GYG1: variants seen among roughly 807,000 people sequenced by gnomAD.
GYG1 encodes the protein glycogenin 1.
A neutral mutation model predicts 41.9 loss-of-function variants in GYG1; 44 were observed. The ratio of observed to expected loss-of-function variants is 1.05; its 90% CI spans 0.83 to 1.35. GYG1 has a LOEUF of 1.35. Among genes scored for constraint, GYG1 ranks in the 40% most tolerant of loss-of-function variants. The pLI is 0.00. For missense variants in GYG1, 429 were observed against 418.9 expected, an observed-to-expected ratio of 1.02 and a Z score of -0.21; for synonymous variants, 141 against 158.1, an observed-to-expected ratio of 0.89 and a Z score of 0.81.
At chr3:149,010,353 A>T (rs13060151) in intron 5 of GYG1, among the ~76,000 whole-genome samples, 11 of 146,140 alleles carry the variant, frequency 7.5e-5, no homozygotes, top group Non-Finnish European at 1.0e-4. Context: ...TTTGAGACGA[A>T]GTCTCACTTT....
At chr3:148,992,733 G>C (rs930540320) in intron 1 of GYG1, 2 of 152,266 alleles carry the variant, frequency 1.3e-5, no homozygotes, top group Admixed American at 1.3e-4. Context: ...TGATGGGCCT[G>C]TCAAGGGACA....
intron 1 of GYG1, among the ~76,000 whole-genome samples, chr3:148,993,860 G>C (rs1385508000): frequency 6.6e-6 from 1 of 152,096 alleles, no homozygotes; most frequent in African/African-American, 2.4e-5. Context: ...TCAAACTCTT[G>C]GTATTAAGCT....
In GYG1 at chr3:148,994,928, C is replaced by T. The variant is rs546273475; in HGVS notation, c.143+651C>T. On this transcript the variant is annotated intron_variant, in intron 2 of 7. Coordinates refer to ENST00000345003, the MANE Select transcript of GYG1 (RefSeq NM_004130.4). ...AGGTGTGATGGCTCATGCCTGTAAT[C>T]TCAGCACTGTGGGAGGCCAAGGCAG... 1.7e-3 allele frequency among the ~76,000 whole-genome samples: 261 copies of T among 152,346 alleles called. 1 individual carries two copies. The highest frequency in any genetic ancestry group is 0.017 in the Middle Eastern group (5 of 294).
chr3:148,999,244 A>G lies in GYG1; in HGVS notation c.481+2340A>G, dbSNP rs531401134. On this transcript the variant is annotated intron_variant, in intron 4 of 7. Coordinates refer to ENST00000345003, the MANE Select transcript of GYG1 (RefSeq NM_004130.4). ...ACCGTGAGATTCTGTCTGTGCCTCT[A>G]GCACATTTCATTATTCAGCAGCAGG... Among the ~76,000 whole-genome samples the G allele has an allele frequency of 3.9e-5, 6 of 152,340 alleles. No individual in the cohort carries two copies. In the South Asian group the frequency reaches 8.3e-4, roughly 21 times the overall value.
chr3:149,010,032 A>G (rs1465790250), intron 5 of GYG1, among the ~76,000 whole-genome samples: 1 of 152,200 alleles, frequency 6.6e-6, no homozygotes, highest in Non-Finnish European at 1.5e-5. Flanking sequence ...GGTCTACCCA[A>G]CTGCTCAGTA....
In GYG1 at chr3:148,996,393, G is replaced by A. The variant is rs1274231525; in HGVS notation, c.235G>A (p.Glu79Lys). The change falls in exon 3 of 8, where the codon GAG becomes AAG. Residue 79 changes from glutamate to lysine, a missense_variant. Coordinates refer to ENST00000345003, the MANE Select transcript of GYG1 (RefSeq NM_004130.4). The stretch of plus-strand genomic sequence containing the variant: ...TCATCTAACCTTAATGAAGAGGCCA[G>A]AGTTGGGTGTCACGCTGACAAAGCT... ...SAHLTLMKRP[E>K]LGVTLTKLHC... 1.2e-6 allele frequency: 2 copies of A among 1,613,314 alleles called. No individual in the cohort carries two copies. Among genetic ancestry groups the A allele is most frequent in the South Asian group, 2.2e-5 (2 of 91,058 alleles).
chr3:149,028,354 A>G lies in GYG1; in HGVS notation c.*1421A>G, dbSNP rs1714762412. 6.6e-6 allele frequency among the ~76,000 whole-genome samples: 1 copy of G among 152,208 alleles called. No individual in the cohort carries two copies. Among genetic ancestry groups the G allele is most frequent in the African/African-American group, 2.4e-5 (1 of 41,450 alleles). On this transcript the variant is annotated 3_prime_UTR_variant, in exon 8 of 8. Coordinates refer to ENST00000345003, the MANE Select transcript of GYG1 (RefSeq NM_004130.4). Reference sequence around the variant, plus strand: ...GATTTACCTAGAATTATAAAATATTAAATGATAAATGACTTCTGAAACTAG... The same window carrying G: ...GATTTACCTAGAATTATAAAATATTGAATGATAAATGACTTCTGAAACTAG...
intron 4 of GYG1, among the ~76,000 whole-genome samples, chr3:149,008,712 C>A (rs1369444315): frequency 6.6e-6 from 1 of 152,220 alleles, no homozygotes; most frequent in Non-Finnish European, 1.5e-5. Flanking sequence ...AAGACAGTGA[C>A]CATATCTCTT....
intron 5 of GYG1, among the ~76,000 whole-genome samples, chr3:149,022,265 G>C (rs1714411550): frequency 6.6e-6 from 1 of 152,044 alleles, no homozygotes; most frequent in African/African-American, 2.4e-5. Context: ...CTTTTTTAAA[G>C]ATATTCTTTA....
chr3:149,009,933 T>A (rs1050417832), intron 5 of GYG1, among the ~76,000 whole-genome samples: 1 of 152,218 alleles, frequency 6.6e-6, no homozygotes, highest in African/African-American at 2.4e-5. Context: ...CCTGGCCTAC[T>A]TACTGAACTT....
intron 5 of GYG1, among the ~76,000 whole-genome samples, chr3:149,010,674 C>G (rs1713673920): frequency 6.6e-6 from 1 of 152,170 alleles, no homozygotes; most frequent in Non-Finnish European, 1.5e-5. Flanking sequence ...CCTTGCTGCA[C>G]TGTTTATCTC....
rs1018544192 is a variant in GYG1, at chr3:149,005,214, TAAAAG to T, written c.482-4061_482-4057del. Reference sequence around the variant, plus strand: ...TGGTAGTATACTTCATAATAAAAATTAAAAGTAAAGAGTATTTAGAAAGAAAAGAT... The same window carrying T: ...TGGTAGTATACTTCATAATAAAAATTTAAAGAGTATTTAGAAAGAAAAGAT... On this transcript the variant is annotated intron_variant, in intron 4 of 7. Transcript: ENST00000345003. 6.6e-5 allele frequency among the ~76,000 whole-genome samples: 10 copies of T among 152,250 alleles called. 1 individual carries two copies. In the Middle Eastern group the frequency reaches 0.014, roughly 207 times the overall value.
intron 2 of GYG1, 51 bp downstream of exon 2, chr3:148,994,328 C>T (rs759671073): frequency 2.5e-6 from 4 of 1,594,224 alleles, no homozygotes; most frequent in African/African-American, 1.3e-5. Flanking sequence ...ACATCCTTCT[C>T]CCTGTTGCTG....
At chr3:149,013,064 A>G (rs935178505) in intron 5 of GYG1, among the ~76,000 whole-genome samples, 5 of 150,474 alleles carry the variant, frequency 3.3e-5, no homozygotes, top group Non-Finnish European at 5.9e-5. Context: ...CATGTTGCCC[A>G]GACTGGTCTT....
In GYG1 at chr3:148,996,439, A is replaced by T. The variant is rs1375478837; in HGVS notation, c.281A>T (p.Gln94Leu). ...AAGCTCCACTGCTGGTCGCTTACAC[A>T]GTATTCAAAATGTGTATTCATGGAT... ...LTKLHCWSLT[Q>L]YSKCVFMDAD... The change falls in exon 3 of 8, where the codon CAG (glutamine) becomes CTG (leucine). Residue 94 changes from glutamine (Q) to leucine (L), a missense_variant. Transcript: ENST00000345003. 1 of 1,614,124 alleles carries T rather than the reference A, an allele frequency of 6.2e-7. No individual in the cohort carries two copies. The highest frequency in any genetic ancestry group is 1.1e-5 in the South Asian group (1 of 91,080).
intron 5 of GYG1, among the ~76,000 whole-genome samples, chr3:149,009,732 G>C (rs1261737223): frequency 6.6e-6 from 1 of 152,188 alleles, no homozygotes; most frequent in Non-Finnish European, 1.5e-5. Context: ...AGCTGAGTTT[G>C]TGCCCTAACT....
In GYG1 at chr3:149,028,574, T is replaced by C. The variant is rs1262870626; in HGVS notation, c.*1641T>C. Among the ~76,000 whole-genome samples the C allele has an allele frequency of 3.3e-5, 5 of 152,312 alleles. No individual in the cohort carries two copies. The highest frequency in any genetic ancestry group is 7.4e-5 in the Non-Finnish European group (5 of 68,018). On this transcript the variant is annotated 3_prime_UTR_variant, in exon 8 of 8. Coordinates refer to ENST00000345003, the MANE Select transcript of GYG1 (RefSeq NM_004130.4). ...TGAACAGAAACACAGTCTTCAGATA[T>C]AAAATGTCTTATTTTTGTGGCCATT... is the stretch of plus-strand genomic sequence containing the variant.
intron 2 of GYG1, among the ~76,000 whole-genome samples, chr3:148,995,711 A>G (rs761721316): frequency 6.6e-6 from 1 of 152,186 alleles, no homozygotes; most frequent in African/African-American, 2.4e-5. Context: ...TTTGTTCTGC[A>G]TCTCTGATGT....
intron 4 of GYG1, among the ~76,000 whole-genome samples, chr3:149,002,856 A>G (rs1713173132): frequency 6.6e-6 from 1 of 152,072 alleles, no homozygotes; most frequent in African/African-American, 2.4e-5. Flanking sequence ...CCCCATCTCT[A>G]CTAAAAATGC....
Sources: allele counts gnomAD v4.1 joint callset (sites outside exome capture counted in the v4.1 genomes callset), GRCh38; gene constraint gnomAD v4.1.1; transcripts MANE v1.5; gene names NCBI Gene and HGNC (gene_info 2026-07-23, HGNC 2026-07-21).